The following NRBP2 variants were observed in gnomAD, a reference collection of about 807,000 sequenced individuals.
The protein encoded by NRBP2 is nuclear receptor binding protein 2, also known as nuclear receptor-binding protein 2.
A neutral mutation model predicts 74.4 loss-of-function variants in NRBP2; 47 were observed. That is an observed-to-expected ratio of 0.63 (90% CI 0.50 to 0.81). NRBP2 has a LOEUF of 0.81. Ranked by LOEUF, NRBP2 falls within the 30% of genes least tolerant of loss-of-function variation. NRBP2 has a pLI of 0.00. For synonymous variants in NRBP2, 312 were observed against 273.8 expected, an observed-to-expected ratio of 1.14 and a Z score of -1.38; for missense variants, 613 against 690.1, an observed-to-expected ratio of 0.89 and a Z score of 1.25.
chr8:143,837,231 C>T lies in NRBP2; in HGVS notation c.1127+18G>A. ...GGCCTGACAGCTGCCTGGCCCCCAACCTTACATCAGTTCTCACCTGACATC... is the reference window on the plus strand; with the variant it reads ...GGCCTGACAGCTGCCTGGCCCCCAATCTTACATCAGTTCTCACCTGACATC... On this transcript the variant is annotated intron_variant, in intron 13 of 17. Coordinates refer to ENST00000442628, the MANE Select transcript of NRBP2 (RefSeq NM_178564.4). The surrounding 1 kb of genome is among the most constrained non-coding windows in gnomAD (Gnocchi z 4.3). The T allele has an allele frequency of 6.2e-7, 1 of 1,613,922 alleles. No individual in the cohort carries two copies. The highest frequency in any genetic ancestry group is 1.3e-5 in the African/African-American group (1 of 75,006).
rs369475742 is a variant in NRBP2, at chr8:143,835,940, G to A, written c.1381+27C>T. On this transcript the variant is annotated intron_variant, in intron 16 of 17. Transcript: ENST00000442628. The surrounding 1 kb of genome is among the most constrained non-coding windows in gnomAD (Gnocchi z 4.9). ...CACCCGCCGCCTGGGGTCACCGCCCGCCGCCCAAGTCCCCTGCCCAGCCTA... is the reference window on the plus strand; with the variant it reads ...CACCCGCCGCCTGGGGTCACCGCCCACCGCCCAAGTCCCCTGCCCAGCCTA... 4.5e-5 allele frequency: 72 copies of A among 1,590,646 alleles called. 1 individual carries two copies. Among genetic ancestry groups the A allele is most frequent in the Admixed American group, 1.2e-4 (7 of 57,848 alleles).
Position 143,839,995 on chromosome 8 carries a change from C to A in NRBP2, c.288G>T (p.Leu96=), listed in dbSNP as rs1343919118. 1 of 1,536,066 alleles carries A rather than the reference C, an allele frequency of 6.5e-7. No homozygotes were observed. The highest frequency in any genetic ancestry group is 1.4e-5 in the African/African-American group (1 of 73,034). Residue 96 remains leucine, a synonymous_variant, in exon 3 of 18, where the codon CTG becomes CTT. Transcript: ENST00000442628. This position sits in a 1 kb window ranked among gnomAD's most constrained non-coding sequence, Gnocchi z 5.1. ...ACTTCACGATGTTCGGGTGGTCCAC[C>A]AGCACCAGCTGCTCGAACACGGTCT... The part of the protein sequence containing the change: ...KIQTVFEQLV[L]VDHPNIVKLH...
chr8:143,832,422 G>A (rs1453370657), downstream of NRBP2, among the ~76,000 whole-genome samples: 6 of 152,072 alleles, frequency 3.9e-5, no homozygotes, highest in Non-Finnish European at 5.9e-5. Context: ...GGTCTGTGCT[G>A]AGGAGGATTA....
downstream of NRBP2, among the ~76,000 whole-genome samples, chr8:143,831,348 G>C (rs1818160405): frequency 6.6e-6 from 1 of 152,226 alleles, no homozygotes; most frequent in South Asian, 2.1e-4. Context: ...AGGCACAGTG[G>C]CTCATGCCTG....
chr8:143,830,945 T>C (rs1586640804), downstream of NRBP2, among the ~76,000 whole-genome samples: 6 of 152,254 alleles, frequency 3.9e-5, 1 homozygote, highest in South Asian at 1.0e-3. Context: ...CCAGAATGTA[T>C]AATGACAGAA....
At position 143,835,618 on chromosome 8, in the gene NRBP2, C is replaced by T. The variant is rs1554651282; in HGVS notation, c.*44G>A. Reference sequence around the variant, plus strand: ...CTGGAGTCTCCCCAACATGGCCTGCCCAGGCAGCACCCCGGCATGGTCCCC... The same window carrying T: ...CTGGAGTCTCCCCAACATGGCCTGCTCAGGCAGCACCCCGGCATGGTCCCC... On this transcript the variant is annotated 3_prime_UTR_variant, in exon 18 of 18. Transcript: ENST00000442628. This position sits in a 1 kb window ranked among gnomAD's most constrained non-coding sequence, Gnocchi z 4.9. The T allele has an allele frequency of 6.6e-7, 1 of 1,505,368 alleles. No individual in the cohort carries two copies. The highest frequency in any genetic ancestry group is 1.4e-5 in the African/African-American group (1 of 71,318). 93.3% of individuals were successfully genotyped at this position (1,505,368 alleles called of 1,614,324 possible). A position where few individuals can be genotyped will look rare whatever the true frequency, so the allele number is the denominator to read the frequency against.
rs1488095789 is a variant in NRBP2 at position 143,836,984 on chromosome 8, T to C, written c.1263+55A>G. On this transcript the variant is annotated intron_variant, in intron 14 of 17. Coordinates refer to ENST00000442628, the MANE Select transcript of NRBP2 (RefSeq NM_178564.4). The stretch of plus-strand genomic sequence containing the variant: ...CTAAGAGAAGGAGGGGCACCTCTTA[T>C]CTGGCTGTTAGAAGGTCTGAGGGAT... The C allele has an allele frequency of 1.9e-6, 3 of 1,572,440 alleles. No individual in the cohort carries two copies. In the African/African-American group the frequency reaches 4.1e-5, roughly 22 times the overall value.
In NRBP2 at chr8:143,840,200, C is replaced by A; in HGVS notation, c.159G>T (p.Gln53His). The stretch of plus-strand genomic sequence containing the variant: ...CCGTGTCCATGGCTAGGAAGGTGCT[C>A]TGAAGCCCTGGCATGTTCCCTTGGT... ...QVNQGNMPGLQSTFLAMDTEE... is the reference protein window; with the variant it reads ...QVNQGNMPGLHSTFLAMDTEE... Residue 53 changes from glutamine (Q) to histidine (H), a missense_variant, in exon 2 of 18, where the codon CAG becomes CAT. By Grantham distance (24) the Gln-to-His change is conservative. This residue lies in a region of NRBP2 where 332 missense variants were observed against 429.2 expected (regional missense o/e 0.77). Coordinates refer to ENST00000442628, the MANE Select transcript of NRBP2 (RefSeq NM_178564.4). This position sits in a 1 kb window ranked among gnomAD's most constrained non-coding sequence, Gnocchi z 5.7. 2 of 1,536,128 alleles carry A rather than the reference C, an allele frequency of 1.3e-6. No homozygotes were observed. Among genetic ancestry groups the A allele is most frequent in the Non-Finnish European group, 1.7e-6 (2 of 1,146,888 alleles).
chr8:143,836,312 T>C, intron 14 of NRBP2, 132 bp from the exon 15 acceptor site: 1 of 1,303,192 alleles, frequency 7.7e-7, no homozygotes, highest in Non-Finnish European at 1.0e-6. Flanking sequence ...TCACTGCTAG[T>C]GGCTTGGCAA....
At chr8:143,830,414 A>G (rs1478996681), downstream of NRBP2, among the ~76,000 whole-genome samples, 2 of 152,224 alleles carry the variant, frequency 1.3e-5, no homozygotes, top group African/African-American at 4.8e-5. Flanking sequence ...GAGCTCCAGG[A>G]GAGGAGCTCT....
Position 143,838,779 on chromosome 8 carries a change from G to A in NRBP2, c.745-4C>T. ...TCTGGATTTCCAGTACAGCCATCTGGGGCACAGAGCCAGGTCAGGCATGGG... is the reference window on the plus strand; with the variant it reads ...TCTGGATTTCCAGTACAGCCATCTGAGGCACAGAGCCAGGTCAGGCATGGG... On this transcript the variant is annotated splice_polypyrimidine_tract_variant and splice_region_variant and intron_variant, in intron 9 of 17. Coordinates refer to ENST00000442628, the MANE Select transcript of NRBP2 (RefSeq NM_178564.4). 6.2e-7 allele frequency: 1 copy of A among 1,612,304 alleles called. No individual in the cohort carries two copies. The highest frequency in any genetic ancestry group is 1.7e-5 in the Admixed American group (1 of 59,810).
chr8:143,836,044 G>A lies in NRBP2; in HGVS notation c.1318-14C>T, dbSNP rs782428702. The A allele has an allele frequency of 3.5e-5, 55 of 1,562,920 alleles. No homozygotes were observed. Among genetic ancestry groups the A allele is most frequent in the East Asian group, 2.1e-4 (9 of 43,754 alleles). ...AAGCAGAGTGAGCTGGGGAGGCGGC[G>A]GGGCGTGGTCGGCTGGGGGTTCAGG... On this transcript the variant is annotated splice_polypyrimidine_tract_variant and intron_variant, in intron 15 of 17. Transcript: ENST00000442628.
At chr8:143,836,243 AGG>A in intron 14 of NRBP2, 63 bp from the exon 15 acceptor site, 1 of 1,452,178 alleles carries the variant, frequency 6.9e-7, no homozygotes. Flanking sequence ...GCGGCCCCAA[AGG>A]GGCCGGGAAG....
rs781988998 is a variant in NRBP2, at chr8:143,840,823, C to T, written c.12G>A (p.Pro4=). Residue 4 remains proline, a synonymous_variant, in exon 1 of 18, where the codon CCG becomes CCA. Coordinates refer to ENST00000442628, the MANE Select transcript of NRBP2 (RefSeq NM_178564.4). This position sits in a 1 kb window ranked among gnomAD's most constrained non-coding sequence, Gnocchi z 5.7. ...CCCGGGCCCGCCTCGGCGCCGGCTC[C>T]GGGGCCGCCATGGTTCGGCCAGCCC... is the stretch of plus-strand genomic sequence containing the variant. MAA[P]EPAPRRARER... is the part of the protein sequence containing the mutation. 7.4e-6 allele frequency: 11 copies of T among 1,488,260 alleles called. No homozygotes were observed. In the South Asian group the frequency reaches 8.9e-5, roughly 12 times the overall value. 92.2% of individuals were successfully genotyped at this position (1,488,260 alleles called of 1,614,324 possible).
chr8:143,838,001 G>C, intron 10 of NRBP2: 1 of 696,800 alleles, frequency 1.4e-6, no homozygotes, highest in East Asian at 2.7e-5. Context: ...CCAAAAAATC[G>C]TGGGGAGAAG....
Position 143,837,342 on chromosome 8 carries a change from AGGGGAGGGGAGGTGC to A in NRBP2, c.1076+50_1077-44del, listed in dbSNP as rs782428388. 27 of 288,628 alleles carry A rather than the reference AGGGGAGGGGAGGTGC, an allele frequency of 9.4e-5. No individual in the cohort carries two copies. Among genetic ancestry groups the A allele is most frequent in the African/African-American group, 3.9e-4 (3 of 7,722 alleles). The allele number at this position is 288,628 out of a possible 1,614,324, so 17.9% of individuals were successfully genotyped here. On this transcript the variant is annotated intron_variant, in intron 12 of 17. Coordinates refer to ENST00000442628, the MANE Select transcript of NRBP2 (RefSeq NM_178564.4). The surrounding 1 kb of genome is among the most constrained non-coding windows in gnomAD (Gnocchi z 4.3). Reference sequence around the variant, plus strand: ...GGCACATGAGGGGCTGGCCGGGGCGAGGGGAGGGGAGGTGCGGGGAGGGGAGGTGTGGGGAGGGGA... The same window carrying A: ...GGCACATGAGGGGCTGGCCGGGGCGAGGGGAGGGGAGGTGTGGGGAGGGGA...
Position 143,840,593 on chromosome 8 carries a change from G to T in NRBP2, c.129+113C>A. The T allele has an allele frequency of 9.3e-7, 1 of 1,080,202 alleles. No homozygotes were observed. Among genetic ancestry groups the T allele is most frequent in the Non-Finnish European group, 1.3e-6 (1 of 798,958 alleles). The allele number at this position is 1,080,202 out of a possible 1,614,324, so 66.9% of individuals were successfully genotyped here. On this transcript the variant is annotated intron_variant, in intron 1 of 17. Transcript: ENST00000442628. This position sits in a 1 kb window ranked among gnomAD's most constrained non-coding sequence, Gnocchi z 5.7. ...TGATTCGCGGGCCGCGAGGGGCCGC[G>T]GAGAGGTTTCCAGCCGCCGCGCTCT...
Position 143,837,058 on chromosome 8 carries a change from A to G in NRBP2, c.1244T>C (p.Phe415Ser). ...QKAKTPTPEPFDSETRKVIQM... is the reference protein window; with the variant it reads ...QKAKTPTPEPSDSETRKVIQM... Reference sequence around the variant, plus strand: ...ACTCACCTTTCTGGTCTCAGAGTCAAAGGGCTCTGGCGTCGGGGTCTTGGC... The same window carrying G: ...ACTCACCTTTCTGGTCTCAGAGTCAGAGGGCTCTGGCGTCGGGGTCTTGGC... Residue 415 changes from phenylalanine to serine, a missense_variant, in exon 14 of 18, where the codon TTT (phenylalanine) becomes TCT (serine). Around this residue, in one of 2 missense-constraint regions of NRBP2, gnomAD observed 281 missense variants for 260.9 expected, o/e 1.08. Transcript: ENST00000442628. This position sits in a 1 kb window ranked among gnomAD's most constrained non-coding sequence, Gnocchi z 4.3. 6.2e-7 allele frequency: 1 copy of G among 1,611,080 alleles called. No individual in the cohort carries two copies. The highest frequency in any genetic ancestry group is 8.5e-7 in the Non-Finnish European group (1 of 1,179,056).
At chr8:143,830,826 A>G (rs549189984), downstream of NRBP2, among the ~76,000 whole-genome samples, 4 of 152,400 alleles carry the variant, frequency 2.6e-5, no homozygotes, top group East Asian at 7.7e-4. Context: ...CAGTCAATAA[A>G]AAGGAACTGG....
Sources: gnomAD v4.1 joint callset for allele counts (sites outside exome capture counted in the v4.1 genomes callset) on GRCh38, gnomAD v4.1.1 for gene constraint, gnomAD v4.1.1 regional missense constraint, Gnocchi (gnomAD v3.1) non-coding constraint, MANE v1.5 for transcripts, NCBI Gene and HGNC (gene_info 2026-07-23, HGNC 2026-07-21) for gene names.